The following CUL3 variants were observed in gnomAD, a reference collection of about 807,000 sequenced individuals.
CUL3 encodes cullin-3.
CUL3 carries 19 observed loss-of-function variants against 89.1 expected under a neutral mutation model. The observed-to-expected ratio is 0.21, with a 90% CI of 0.15 to 0.31. CUL3 has a LOEUF of 0.31. Among genes scored for constraint, CUL3 ranks in the 10% least tolerant of loss-of-function variants. The probability of loss-of-function intolerance (pLI) is 1.00; values close to 1 mark genes in which losing one functional copy is unlikely to be tolerated. For missense variants in CUL3, 469 were observed against 942.3 expected, an observed-to-expected ratio of 0.50 and a Z score of 6.58; for synonymous variants, 351 against 308.4, an observed-to-expected ratio of 1.14 and a Z score of -1.45.
Position 224,585,171 on chromosome 2 carries a change from G to T in CUL3, c.-162C>A. 1 of 256,808 alleles carries T rather than the reference G, an allele frequency of 3.9e-6. No individual in the cohort carries two copies. The highest frequency in any genetic ancestry group is 6.1e-6 in the Non-Finnish European group (1 of 163,780). 15.9% of individuals were successfully genotyped at this position (256,808 alleles called of 1,614,324 possible). ...CCGGCCCCTGGGCAGCCGCGGCGGC[G>T]GCGGGGGCGGCGGCGGCGGCGGCGG... is the stretch of plus-strand genomic sequence containing the variant. On this transcript the variant is annotated 5_prime_UTR_variant, in exon 1 of 16. Transcript: ENST00000264414.
At chr2:224,542,124 C>T (rs1220429012) in intron 2 of CUL3, among the ~76,000 whole-genome samples, 4 of 152,042 alleles carry the variant, frequency 2.6e-5, no homozygotes, top group Non-Finnish European at 5.9e-5. Flanking sequence ...AGCTATGATG[C>T]CACAAGCTTT....
intron 13 of CUL3, among the ~76,000 whole-genome samples, chr2:224,489,169 C>A (rs1691856830): frequency 6.6e-6 from 1 of 152,176 alleles, no homozygotes; most frequent in Admixed American, 6.5e-5. Context: ...TGAACAAAAG[C>A]TGGAAGCATT....
chr2:224,578,882 T>C (rs1026901267), intron 1 of CUL3, among the ~76,000 whole-genome samples: 8 of 152,208 alleles, frequency 5.3e-5, no homozygotes, highest in Non-Finnish European at 1.2e-4. Context: ...CCACTTTTTC[T>C]AGCCTTAATC....
chr2:224,577,798 C>G lies in CUL3; in HGVS notation c.66+7146G>C, dbSNP rs187496759. Among the ~76,000 whole-genome samples the G allele has an allele frequency of 9.7e-4, 147 of 152,212 alleles. 1 individual carries two copies. The highest frequency in any genetic ancestry group is 2.9e-3 in the South Asian group (14 of 4,820). Reference sequence around the variant, plus strand: ...TTAAAGCATTAAAGTACTATTTTTTCACCTATAAAATTAAACATACATTAT... The same window carrying G: ...TTAAAGCATTAAAGTACTATTTTTTGACCTATAAAATTAAACATACATTAT... On this transcript the variant is annotated intron_variant, in intron 1 of 15. Coordinates refer to ENST00000264414, the MANE Select transcript of CUL3 (RefSeq NM_003590.5).
rs1237148190 is a variant in CUL3 at position 224,474,287 on chromosome 2, T to C, written c.2265A>G (p.Ala755=). The C allele has an allele frequency of 2.1e-5, 34 of 1,613,906 alleles. No homozygotes were observed. The highest frequency in any genetic ancestry group is 2.9e-5 in the Non-Finnish European group (34 of 1,179,932). Reference sequence around the variant, plus strand: ...ATACTTTGCGATCCTCAGGTGTTCGTGCCAAATATTCTCTCTCAATAAGTC... The same window carrying C: ...ATACTTTGCGATCCTCAGGTGTTCGCGCCAAATATTCTCTCTCAATAAGTC... The part of the protein sequence containing the change: ...IEGLIEREYL[A]RTPEDRKVYT... Residue 755 remains alanine (A), a synonymous_variant, in exon 16 of 16, where the codon GCA becomes GCG. Coordinates refer to ENST00000264414, the MANE Select transcript of CUL3 (RefSeq NM_003590.5).
chr2:224,579,900 T>A (rs1212712497), intron 1 of CUL3, among the ~76,000 whole-genome samples: 1 of 152,212 alleles, frequency 6.6e-6, no homozygotes, highest in Admixed American at 6.5e-5. Context: ...TCTCCAATTC[T>A]AATCAAGCTC....
chr2:224,503,503 AG>A, intron 9 of CUL3, 148 bp downstream of exon 9: 1 of 680,662 alleles, frequency 1.5e-6, no homozygotes, highest in Non-Finnish European at 2.3e-6. Context: ...ATGTTAGTGT[AG>A]TCTGTGTTCT....
At chr2:224,504,685 A>C (rs1692523465) in intron 8 of CUL3, among the ~76,000 whole-genome samples, 1 of 152,198 alleles carries the variant, frequency 6.6e-6, no homozygotes, top group African/African-American at 2.4e-5. Context: ...AGACCAAATG[A>C]ATGCATAAAT....
At chr2:224,490,401 A>G (rs1285785864) in intron 13 of CUL3, among the ~76,000 whole-genome samples, 1 of 152,010 alleles carries the variant, frequency 6.6e-6, no homozygotes, top group Non-Finnish European at 1.5e-5. Flanking sequence ...GACCTTATCA[A>G]TCATTGGAGA....
At chr2:224,505,838 CA>C (rs1430692373) in intron 8 of CUL3, 117 bp downstream of exon 8, 1 of 585,432 alleles carries the variant, frequency 1.7e-6, no homozygotes, top group Non-Finnish European at 2.7e-6. Flanking sequence ...CCATGGCACC[CA>C]TTTAAGCACA....
chr2:224,484,638 C>A (rs1335646102), intron 13 of CUL3, among the ~76,000 whole-genome samples: 1 of 152,050 alleles, frequency 6.6e-6, no homozygotes, highest in African/African-American at 2.4e-5. Flanking sequence ...AAAGACATTT[C>A]TCACATTAAG....
At chr2:224,552,219 T>A (rs1019445159) in intron 2 of CUL3, among the ~76,000 whole-genome samples, 2 of 147,692 alleles carry the variant, frequency 1.4e-5, no homozygotes, top group African/African-American at 4.9e-5. Context: ...CCTCCATTAC[T>A]ATGCTTTTTT....
chr2:224,505,848 C>G (rs1692578934), intron 8 of CUL3, 108 bp downstream of exon 8: 1 of 676,524 alleles, frequency 1.5e-6, no homozygotes, highest in African/African-American at 1.9e-5. Context: ...CATTTAAGCA[C>G]AGCAATGGGT....
Position 224,557,755 on chromosome 2 carries a change from C to T in CUL3, c.168G>A (p.Glu56=), listed in dbSNP as rs558688318. The T allele has an allele frequency of 7.5e-6, 12 of 1,609,890 alleles. No homozygotes were observed. Among genetic ancestry groups the T allele is most frequent in the African/African-American group, 1.3e-5 (1 of 74,816 alleles). ...CCATTGTATATGCATTTCTATAGAG[C>T]TCCTCAAAACTAAGACCACTGTTAT... ...RKNNSGLSFE[E]LYRNAYTMVL... Residue 56 remains glutamate (E), a synonymous_variant, in exon 2 of 16, where the codon GAG becomes GAA. Coordinates refer to ENST00000264414, the MANE Select transcript of CUL3 (RefSeq NM_003590.5).
chr2:224,584,666 G>A (rs1695531549), intron 1 of CUL3, among the ~76,000 whole-genome samples: 1 of 150,872 alleles, frequency 6.6e-6, no homozygotes, highest in African/African-American at 2.4e-5. Context: ...GAGGGGCCCC[G>A]GCCGCAGCCG....
intron 1 of CUL3, chr2:224,563,127 G>A: frequency 2.5e-6 from 1 of 393,520 alleles, no homozygotes; most frequent in Non-Finnish European, 5.1e-6. Context: ...GCTTTTTCAA[G>A]CTTAGCAAAT....
intron 8 of CUL3, chr2:224,504,034 T>A (rs529737750): frequency 9.5e-6 from 4 of 421,314 alleles, no homozygotes; most frequent in Non-Finnish European, 1.3e-5. Context: ...GAATGAGGGG[T>A]TGGAGTGGAA....
intron 15 of CUL3, among the ~76,000 whole-genome samples, chr2:224,475,042 G>A (rs542771679): frequency 1.4e-3 from 214 of 151,976 alleles, no homozygotes; most frequent in African/African-American, 4.9e-3. Flanking sequence ...TTTTGAGATC[G>A]AGTCTTGCTC....
At chr2:224,540,667 G>A (rs1694069736) in intron 2 of CUL3, among the ~76,000 whole-genome samples, 1 of 152,128 alleles carries the variant, frequency 6.6e-6, no homozygotes, top group Admixed American at 6.5e-5. Context: ...ATGCAATTCT[G>A]AGTCCTGCTT....
Sources: allele counts gnomAD v4.1 joint callset (sites outside exome capture counted in the v4.1 genomes callset), GRCh38; gene constraint gnomAD v4.1.1; transcripts MANE v1.5; gene names NCBI Gene and HGNC (gene_info 2026-07-23, HGNC 2026-07-21).